The following CREB5 variants were observed in gnomAD, a reference collection of about 807,000 sequenced individuals.
CREB5 encodes cAMP responsive element binding protein 5, also known as cyclic AMP-responsive element-binding protein 5.
CREB5 carries 19 observed loss-of-function variants against 57.1 expected under a neutral mutation model. The ratio of observed to expected loss-of-function variants is 0.33; its 90% CI spans 0.23 to 0.49. The LOEUF is 0.49. Ranked by LOEUF, CREB5 falls within the 20% of genes least tolerant of loss-of-function variation. The pLI is 0.99. For synonymous variants in CREB5, 238 were observed against 238.3 expected, an observed-to-expected ratio of 1.00 and a Z score of 0.01; for missense variants, 579 against 671.6, an observed-to-expected ratio of 0.86 and a Z score of 1.52.
chr7:28,772,179 GAATCTCTCTTTAGAGAGAC>G (rs1209781924), intron 7 of CREB5, among the ~76,000 whole-genome samples: 1 of 152,186 alleles, frequency 6.6e-6, no homozygotes, highest in Non-Finnish European at 1.5e-5. Context: ...GAATTTGGCA[GAATCTCTCTTTAGAGAGAC>G]TCTGCTTCAG....
At chr7:28,675,819 A>G (rs1423123132) in intron 5 of CREB5, among the ~76,000 whole-genome samples, 1 of 152,078 alleles carries the variant, frequency 6.6e-6, no homozygotes, top group Admixed American at 6.6e-5. Context: ...TTGCTCTGGC[A>G]ATGCAGAGTT....
intron 7 of CREB5, among the ~76,000 whole-genome samples, chr7:28,779,861 C>T (rs1806870432): frequency 6.6e-6 from 1 of 151,898 alleles, no homozygotes; most frequent in African/African-American, 2.4e-5. Context: ...CTGACACCCA[C>T]TTTCTTTCTC....
chr7:28,427,755 A>C (rs1360060536), intron 1 of CREB5, among the ~76,000 whole-genome samples: 1 of 152,034 alleles, frequency 6.6e-6, no homozygotes, highest in African/African-American at 2.4e-5. Flanking sequence ...CCAAAGCCTC[A>C]ATCTTAGTAA....
intron 4 of CREB5, among the ~76,000 whole-genome samples, chr7:28,545,537 T>G (rs1794379925): frequency 6.6e-6 from 1 of 152,232 alleles, no homozygotes; most frequent in Non-Finnish European, 1.5e-5. Context: ...CATTTTGTTG[T>G]TCATGCTATT....
intron 1 of CREB5, among the ~76,000 whole-genome samples, chr7:28,439,350 C>T (rs1421117327): frequency 6.6e-6 from 1 of 152,206 alleles, no homozygotes; most frequent in African/African-American, 2.4e-5. Flanking sequence ...ACCTGCTAGA[C>T]TGAATTTTCC....
intron 4 of CREB5, among the ~76,000 whole-genome samples, chr7:28,512,644 TA>T (rs1488458675): frequency 1.8e-5 from 2 of 113,686 alleles, no homozygotes; most frequent in Non-Finnish European, 4.0e-5. Context: ...TATCATATAA[TA>T]ACTGTGTGTG....
At chr7:28,382,663 C>T (rs1438075416) in intron 1 of CREB5, among the ~76,000 whole-genome samples, 1 of 152,064 alleles carries the variant, frequency 6.6e-6, no homozygotes, top group Non-Finnish European at 1.5e-5. Context: ...ATCGATCCGT[C>T]AGCCCCGGTT....
rs560989586 is a variant in CREB5, at chr7:28,791,692, G to A, written c.703-12507G>A. Among the ~76,000 whole-genome samples, 4 of 152,320 alleles carry A rather than the reference G, an allele frequency of 2.6e-5. No homozygotes were observed. In the East Asian group the frequency reaches 7.7e-4, roughly 29 times the overall value. The stretch of plus-strand genomic sequence containing the variant: ...GAAATTTGGAGTCAGAAAAGAAATT[G>A]CTTGAGCTGGAAAAGAAGACAGATC... On this transcript the variant is annotated intron_variant, in intron 7 of 10. Coordinates refer to ENST00000357727, the MANE Select transcript of CREB5 (RefSeq NM_182898.4).
At chr7:28,782,747 A>G (rs1807061692) in intron 7 of CREB5, among the ~76,000 whole-genome samples, 1 of 152,206 alleles carries the variant, frequency 6.6e-6, no homozygotes, top group African/African-American at 2.4e-5. Flanking sequence ...AAATTAGCGG[A>G]TTGTCAAGGG....
intron 4 of CREB5, among the ~76,000 whole-genome samples, chr7:28,563,822 C>T (rs374391850): frequency 6.6e-6 from 1 of 152,114 alleles, no homozygotes; most frequent in Non-Finnish European, 1.5e-5. Flanking sequence ...TGTTTCTTAC[C>T]TGCCCTGTGT....
intron 7 of CREB5, among the ~76,000 whole-genome samples, chr7:28,797,992 T>C (rs1808146344): frequency 2.6e-5 from 4 of 152,160 alleles, no homozygotes; most frequent in Admixed American, 2.0e-4. Flanking sequence ...AGTAATGCTT[T>C]GGAGAGGCCA....
chr7:28,410,087 G>T (rs866119564), upstream of CREB5: 28 of 398,950 alleles, frequency 7.0e-5, no homozygotes, highest in Middle Eastern at 2.0e-3. Context: ...CGCGCAGGGG[G>T]CTCGCTCTCC....
intron 7 of CREB5, among the ~76,000 whole-genome samples, chr7:28,799,853 C>T (rs758042286): frequency 3.0e-4 from 45 of 152,310 alleles, no homozygotes; most frequent in Non-Finnish European, 2.8e-4. Context: ...GTAGTTGATT[C>T]TGCTAACCTT....
Position 28,712,685 on chromosome 7 carries a change from C to G in CREB5, c.465-6068C>G, listed in dbSNP as rs1374334463. Among the ~76,000 whole-genome samples, 6 of 151,648 alleles carry G rather than the reference C, an allele frequency of 4.0e-5. No homozygotes were observed. In the South Asian group the frequency reaches 1.3e-3, roughly 32 times the overall value. On this transcript the variant is annotated intron_variant, in intron 5 of 10. Transcript: ENST00000357727. ...AGTAGCTGGGATTACAGGTGCCCACCACCACATCTGGCTAATTTTTGTATT... is the reference window on the plus strand; with the variant it reads ...AGTAGCTGGGATTACAGGTGCCCACGACCACATCTGGCTAATTTTTGTATT...
intron 1 of CREB5, among the ~76,000 whole-genome samples, chr7:28,358,756 G>A (rs1786398919): frequency 6.6e-6 from 1 of 152,148 alleles, no homozygotes. Context: ...AGTGGTATTT[G>A]TGAGTCAGTC....
chr7:28,382,759 C>T (rs11768932), intron 1 of CREB5, among the ~76,000 whole-genome samples: 49,160 of 151,508 alleles, frequency 0.32, 8,554 homozygotes, highest in East Asian at 0.45. Context: ...TCACCCCCAT[C>T]AAACCACATA....
At chr7:28,791,617 G>A (rs1363959092) in intron 7 of CREB5, among the ~76,000 whole-genome samples, 1 of 152,108 alleles carries the variant, frequency 6.6e-6, no homozygotes, top group Non-Finnish European at 1.5e-5. Flanking sequence ...ACTGATTTAG[G>A]GCAAGCTACT....
intron 5 of CREB5, among the ~76,000 whole-genome samples, chr7:28,702,475 G>A (rs1321403174): frequency 6.6e-6 from 1 of 152,212 alleles, no homozygotes; most frequent in Non-Finnish European, 1.5e-5. Flanking sequence ...AAGCACTCCG[G>A]TGCTCACTTA....
chr7:28,763,080 C>G (rs112197572), intron 7 of CREB5, among the ~76,000 whole-genome samples: 7 of 152,168 alleles, frequency 4.6e-5, no homozygotes, highest in African/African-American at 1.7e-4. Flanking sequence ...TAAAGTATAA[C>G]TTGTGCATCT....
Sources: gnomAD v4.1 joint callset for allele counts (sites outside exome capture counted in the v4.1 genomes callset) on GRCh38, gnomAD v4.1.1 for gene constraint, MANE v1.5 for transcripts, NCBI Gene and HGNC (gene_info 2026-07-23, HGNC 2026-07-21) for gene names.